Variants in TUNAR observed in about 807,000 individuals in gnomAD.
The protein encoded by TUNAR is transmembrane neural differentiation associated intracellular calcium regulator.
chr14:95,918,507 C>G (rs1385000668), intron 2 of TUNAR, among the ~76,000 whole-genome samples: 1 of 152,284 alleles, frequency 6.6e-6, no homozygotes, highest in East Asian at 1.9e-4. Context: ...GGGAATCAAG[C>G]CACACTCCCA....
chr14:95,911,262 C>G (rs770576362), intron 2 of TUNAR, among the ~76,000 whole-genome samples: 1 of 152,212 alleles, frequency 6.6e-6, no homozygotes, highest in Non-Finnish European at 1.5e-5. Flanking sequence ...AGTCCCCTGC[C>G]TCGTTGCCCT....
At chr14:95,917,159 T>A (rs1889618073) in intron 2 of TUNAR, among the ~76,000 whole-genome samples, 1 of 152,250 alleles carries the variant, frequency 6.6e-6, no homozygotes, top group African/African-American at 2.4e-5. Context: ...CATACAGATA[T>A]TCCTTTATAT....
chr14:95,916,566 G>T (rs1483152441), intron 2 of TUNAR, among the ~76,000 whole-genome samples: 1 of 152,208 alleles, frequency 6.6e-6, no homozygotes, highest in Admixed American at 6.5e-5. Flanking sequence ...TGCTTATGCT[G>T]ACATTGCTGT....
intron 2 of TUNAR, among the ~76,000 whole-genome samples, chr14:95,886,354 GA>G (rs1889075617): frequency 6.6e-6 from 1 of 152,254 alleles, no homozygotes; most frequent in Non-Finnish European, 1.5e-5. Flanking sequence ...GAGCTGGCTG[GA>G]CAAAGGGAAC....
intron 2 of TUNAR, among the ~76,000 whole-genome samples, chr14:95,899,049 A>T (rs1470520240): frequency 6.6e-6 from 1 of 151,908 alleles, no homozygotes; most frequent in East Asian, 1.9e-4. Flanking sequence ...TCCCCCCAAA[A>T]CTTGATTGAT....
At chr14:95,893,386 G>A (rs1889211261) in intron 2 of TUNAR, among the ~76,000 whole-genome samples, 1 of 152,210 alleles carries the variant, frequency 6.6e-6, no homozygotes, top group Non-Finnish European at 1.5e-5. Flanking sequence ...ACTGGCCTGT[G>A]AAGGAAAAGT....
chr14:95,897,489 A>C (rs908041494), intron 2 of TUNAR, among the ~76,000 whole-genome samples: 1 of 152,186 alleles, frequency 6.6e-6, no homozygotes, highest in Non-Finnish European at 1.5e-5. Context: ...CCCACCTGCT[A>C]CTTTCAGGCT....
In TUNAR at chr14:95,899,418, G is replaced by A. The variant is rs570336707; in HGVS notation, c.12+22241G>A. The stretch of plus-strand genomic sequence containing the variant: ...ACAGTGGAGCAGCACCCACTAGAAG[G>A]ATTCCTGGGTCCCCGAGGCTTGGTT... On this transcript the variant is annotated intron_variant, in intron 2 of 2. Transcript: ENST00000678517. 2.0e-5 allele frequency among the ~76,000 whole-genome samples: 3 copies of A among 152,340 alleles called. No homozygotes were observed. The South Asian group carries it at 6.2e-4, about 32-fold the overall frequency.
At chr14:95,901,683 C>T (rs900023099) in intron 2 of TUNAR, among the ~76,000 whole-genome samples, 1 of 152,224 alleles carries the variant, frequency 6.6e-6, no homozygotes, top group Non-Finnish European at 1.5e-5. Context: ...TGGCATTGTT[C>T]TTGGCACAGG....
exon 3 of TUNAR, chr14:95,923,840 T>A (rs1889739930): frequency 6.6e-6 from 1 of 152,218 alleles, no homozygotes; most frequent in Non-Finnish European, 1.5e-5. Flanking sequence ...TGTTGTTATC[T>A]CGGAGATATA....
At position 95,882,518 on chromosome 14, in the gene TUNAR, C is replaced by A. The variant is rs540939871; in HGVS notation, c.12+5341C>A. Among the ~76,000 whole-genome samples the A allele has an allele frequency of 5.3e-5, 8 of 152,324 alleles. No homozygotes were observed. The South Asian group carries it at 1.5e-3, about 28-fold the overall frequency. ...CTTATGACAAGTGCAGATGGCACTT[C>A]ATGTAGTTAAAAACCTTCGCCTTCC... is the stretch of plus-strand genomic sequence containing the variant. On this transcript the variant is annotated intron_variant, in intron 2 of 2. Transcript: ENST00000678517.
At chr14:95,920,006 T>C (rs1003139050) in intron 2 of TUNAR, among the ~76,000 whole-genome samples, 7 of 152,302 alleles carry the variant, frequency 4.6e-5, no homozygotes, top group Admixed American at 4.6e-4. Context: ...CTTGAAGCAG[T>C]GAAAATGCCC....
intron 2 of TUNAR, among the ~76,000 whole-genome samples, chr14:95,916,092 C>A (rs1396327621): frequency 6.6e-6 from 1 of 152,132 alleles, no homozygotes; most frequent in East Asian, 1.9e-4. Context: ...AGTATTAAAT[C>A]ACCAATTAAC....
Position 95,896,259 on chromosome 14 carries a change from G to C in TUNAR, c.12+19082G>C, listed in dbSNP as rs193062285. The stretch of plus-strand genomic sequence containing the variant: ...GGCTCAGAGTCCGGTCTTCTAGAAG[G>C]TGGGCACTGGAGTGAGCCAGGCAGG... On this transcript the variant is annotated intron_variant, in intron 2 of 2. Transcript: ENST00000678517. Among the ~76,000 whole-genome samples the C allele has an allele frequency of 2.4e-4, 36 of 152,332 alleles. No homozygotes were observed. The East Asian group carries it at 6.7e-3, about 29-fold the overall frequency.
At chr14:95,891,744 G>T (rs892559797) in intron 2 of TUNAR, among the ~76,000 whole-genome samples, 1 of 152,236 alleles carries the variant, frequency 6.6e-6, no homozygotes, top group African/African-American at 2.4e-5. Context: ...AAGCTGGGTG[G>T]ATTAAGACAA....
chr14:95,881,277 A>T (rs1291466777), intron 2 of TUNAR, among the ~76,000 whole-genome samples: 1 of 152,202 alleles, frequency 6.6e-6, no homozygotes, highest in Non-Finnish European at 1.5e-5. Context: ...AAGATTCCTA[A>T]ATAAGCCAAG....
intron 2 of TUNAR, among the ~76,000 whole-genome samples, chr14:95,918,649 C>T (rs192916816): frequency 3.9e-5 from 6 of 152,254 alleles, no homozygotes; most frequent in East Asian, 3.9e-4. Flanking sequence ...TCAGAGTCCT[C>T]GGAAAGTAAA....
In TUNAR at chr14:95,893,095, A is replaced by AT. The variant is rs1444623931; in HGVS notation, c.12+15922dup. Among the ~76,000 whole-genome samples, 5 of 152,116 alleles carry AT rather than the reference A, an allele frequency of 3.3e-5. No individual in the cohort carries two copies. In the East Asian group the frequency reaches 7.8e-4, roughly 24 times the overall value. On this transcript the variant is annotated intron_variant, in intron 2 of 2. Transcript: ENST00000678517. ...TGACCATGGCCAATGGGATGGGAAA[A>AT]TTTTCTCACTAGAGGAGACCAGAGA...
intron 2 of TUNAR, among the ~76,000 whole-genome samples, chr14:95,914,995 G>T (rs1889578366): frequency 6.6e-6 from 1 of 152,184 alleles, no homozygotes; most frequent in African/African-American, 2.4e-5. Flanking sequence ...TCCAGTGGGT[G>T]CAAGCTAAGC....
Sources: allele counts gnomAD v4.1 joint callset (sites outside exome capture counted in the v4.1 genomes callset), GRCh38; gene constraint gnomAD v4.1.1; transcripts MANE v1.5; gene names NCBI Gene and HGNC (gene_info 2026-07-23, HGNC 2026-07-21).